CAPN3: variants seen among roughly 807,000 people sequenced by gnomAD.
CAPN3 encodes calpain-3.
CAPN3 carries 88 observed loss-of-function variants against 114.0 expected under a neutral mutation model. The observed-to-expected ratio is 0.77, with a 90% CI of 0.65 to 0.92. The LOEUF (loss-of-function observed/expected upper bound fraction) is 0.92. Ranked by LOEUF, CAPN3 falls within the 40% of genes least tolerant of loss-of-function variation. CAPN3 has a pLI of 0.00. For missense variants in CAPN3, 1,028 were observed against 1,069.0 expected (o/e 0.96, Z 0.53); for synonymous variants, 386 against 382.9 (o/e 1.01, Z -0.09).
chr15:42,410,272 A>G lies in CAPN3; in HGVS notation c.2116-156A>G. On this transcript the variant is annotated intron_variant, in intron 19 of 23. Transcript: ENST00000397163. ...CTTAGGAGAGCGGCTCCTGGGTTAC[A>G]GAGTAGGCGCAATCTCTGACTGGTG... is the stretch of plus-strand genomic sequence containing the variant. The G allele has an allele frequency of 9.9e-6, 8 of 811,330 alleles. No homozygotes were observed. The South Asian group carries it at 1.1e-4, about 11-fold the overall frequency. The allele number at this position is 811,330 out of a possible 1,614,324, so 50.3% of individuals were successfully genotyped here. A position where few individuals can be genotyped will look rare whatever the true frequency, so the allele number is the denominator to read the frequency against.
chr15:42,390,441 T>G (rs2053523827), intron 6 of CAPN3, among the ~76,000 whole-genome samples: 1 of 152,228 alleles, frequency 6.6e-6, no homozygotes, highest in African/African-American at 2.4e-5. Flanking sequence ...CACTTATTTT[T>G]GAGCTCCTAC....
At chr15:42,363,908 C>A (rs1207284214) in intron 1 of CAPN3, among the ~76,000 whole-genome samples, 2 of 152,196 alleles carry the variant, frequency 1.3e-5, no homozygotes, top group Admixed American at 1.3e-4. Flanking sequence ...CAATCTGGCT[C>A]TAGAGCCCCA....
intron 23 of CAPN3, 151 bp from the exon 24 acceptor site, chr15:42,411,596 G>T (rs1254813377): frequency 2.5e-5 from 18 of 734,320 alleles, no homozygotes; most frequent in Non-Finnish European, 9.9e-6. Context: ...TAGGAGAAAG[G>T]AAACAGTAAG....
At chr15:42,403,633 C>A in intron 13 of CAPN3, 108 bp from the exon 14 acceptor site, 1 of 1,000,488 alleles carries the variant, frequency 1.0e-6, no homozygotes, top group Non-Finnish European at 1.6e-6. Flanking sequence ...TCTCTAGAGG[C>A]TGGTTCTGGC....
chr15:42,379,059 A>C lies in CAPN3; in HGVS notation c.310-5424A>C, dbSNP rs182721322. 5.9e-5 allele frequency among the ~76,000 whole-genome samples: 9 copies of C among 152,272 alleles called. No individual in the cohort carries two copies. The East Asian group carries it at 1.7e-3, about 29-fold the overall frequency. ...CCGGACGCAGTGGCGCACCCCTATA[A>C]TCCTAGCACTTTGGGAAGCTGAAGC... On this transcript the variant is annotated intron_variant, in intron 1 of 23. Transcript: ENST00000397163.
rs2141219153 is a variant in CAPN3 at position 42,409,103 on chromosome 15, A to G, written c.1915-200A>G. On this transcript the variant is annotated intron_variant, in intron 16 of 23. Transcript: ENST00000397163. Reference sequence around the variant, plus strand: ...CATATCTCCTTTGGCTGGGGGCGTCAGGGCTGGAGAGGTGTGAAGAGTCCC... The same window carrying G: ...CATATCTCCTTTGGCTGGGGGCGTCGGGGCTGGAGAGGTGTGAAGAGTCCC... 10 of 608,460 alleles carry G rather than the reference A, an allele frequency of 1.6e-5. No homozygotes were observed. The South Asian group carries it at 1.9e-4, about 12-fold the overall frequency. The allele number at this position is 608,460 out of a possible 1,614,324, so 37.7% of individuals were successfully genotyped here. A position where few individuals can be genotyped will look rare whatever the true frequency, so the allele number is the denominator to read the frequency against.
chr15:42,399,716 A>C (rs1350887775), intron 10 of CAPN3, 64 bp downstream of exon 10: 12 of 1,329,540 alleles, frequency 9.0e-6, no homozygotes, highest in African/African-American at 1.5e-5. Flanking sequence ...AAGAAGCCTA[A>C]CTAGTGCTTA....
intron 15 of CAPN3, 30 bp from the exon 16 acceptor site, chr15:42,408,177 CCCTT>C (rs2054080243): frequency 7.0e-7 from 1 of 1,431,790 alleles, no homozygotes. Flanking sequence ...CTGTAATCCT[CCCTT>C]CCTTCCTGCC....
intron 1 of CAPN3, among the ~76,000 whole-genome samples, chr15:42,369,568 A>C (rs2052881722): frequency 6.6e-6 from 1 of 152,114 alleles, no homozygotes; most frequent in African/African-American, 2.4e-5. Flanking sequence ...CATTGCAGTC[A>C]TTCTTCTTTT....
At chr15:42,374,143 T>G (rs2141132060) in intron 1 of CAPN3, 1 of 152,498 alleles carries the variant, frequency 6.6e-6, no homozygotes, top group East Asian at 1.9e-4. Flanking sequence ...TCAAAGCTGC[T>G]GACTCTGACC....
In CAPN3 at chr15:42,409,845, G is replaced by GT. The variant is rs1566984813; in HGVS notation, c.2050+2dup. 6 of 1,410,698 alleles carry GT rather than the reference G, an allele frequency of 4.3e-6. No homozygotes were observed. The highest frequency in any genetic ancestry group is 5.8e-6 in the Non-Finnish European group (6 of 1,026,366). 87.4% of individuals were successfully genotyped at this position (1,410,698 alleles called of 1,614,324 possible). ...GTCCTTAACACAGTCGTGAACAAAC[G>GT]TGAGTTGCTCAAACCAAATGGGGGT... On this transcript the variant is annotated splice_donor_variant, in intron 18 of 23. Coordinates refer to ENST00000397163, the MANE Select transcript of CAPN3 (RefSeq NM_000070.3). LOFTEE classifies it high-confidence loss of function.
At chr15:42,362,106 A>G (rs1041753402) in intron 1 of CAPN3, among the ~76,000 whole-genome samples, 1 of 152,190 alleles carries the variant, frequency 6.6e-6, no homozygotes, top group African/African-American at 2.4e-5. Flanking sequence ...GTTCCCAGGC[A>G]GGGAGTTCCT....
chr15:42,376,762 G>GT (rs1054430201), intron 1 of CAPN3, among the ~76,000 whole-genome samples: 10 of 152,072 alleles, frequency 6.6e-5, no homozygotes, highest in African/African-American at 1.9e-4. Context: ...GTAGAGAAAG[G>GT]AGATATGTGT....
At chr15:42,394,170 C>A in intron 7 of CAPN3, 86 bp from the exon 8 acceptor site, 3 of 1,269,732 alleles carry the variant, frequency 2.4e-6, no homozygotes, top group African/African-American at 1.5e-5. Flanking sequence ...GATTTGCCCC[C>A]CAGCCCCGTC....
At chr15:42,377,285 A>G (rs2053114933) in intron 1 of CAPN3, among the ~76,000 whole-genome samples, 1 of 152,158 alleles carries the variant, frequency 6.6e-6, no homozygotes, top group Non-Finnish European at 1.5e-5. Flanking sequence ...ACCCTTAAGT[A>G]TGAAGTTAGC....
chr15:42,365,867 G>C (rs189190894), intron 1 of CAPN3, among the ~76,000 whole-genome samples: 19 of 152,306 alleles, frequency 1.2e-4, no homozygotes, highest in Admixed American at 1.2e-3. Context: ...GACGGCAGCA[G>C]CCTCTTAGTC....
chr15:42,367,534 A>T (rs1170435584), intron 1 of CAPN3, among the ~76,000 whole-genome samples: 1 of 152,234 alleles, frequency 6.6e-6, no homozygotes, highest in Non-Finnish European at 1.5e-5. Context: ...TATAGTATAA[A>T]AGCTGCTATT....
chr15:42,376,313 G>T (rs558012480), intron 1 of CAPN3, among the ~76,000 whole-genome samples: 2 of 152,308 alleles, frequency 1.3e-5, no homozygotes, highest in South Asian at 4.1e-4. Context: ...CCTCTTGAGG[G>T]CAGAGAATCT....
intron 6 of CAPN3, 87 bp from the exon 7 acceptor site, chr15:42,392,552 G>C (rs1253753769): frequency 9.6e-7 from 1 of 1,036,596 alleles, no homozygotes; most frequent in African/African-American, 1.6e-5. Context: ...ACAGAGCCCG[G>C]AAAATGAACT....
Sources: gnomAD v4.1 joint callset for allele counts (sites outside exome capture counted in the v4.1 genomes callset) on GRCh38, gnomAD v4.1.1 for gene constraint, MANE v1.5 for transcripts, NCBI Gene and HGNC (gene_info 2026-07-23, HGNC 2026-07-21) for gene names.